TLN2: variants seen among roughly 807,000 people sequenced by gnomAD.
TLN2 encodes the protein talin 2.
In TLN2, 118 loss-of-function variants were observed where a neutral mutation model predicts 294.7. The observed-to-expected ratio is 0.40, with a 90% CI of 0.34 to 0.47. The LOEUF (loss-of-function observed/expected upper bound fraction) is 0.47. Ranked by LOEUF, TLN2 falls within the 20% of genes least tolerant of loss-of-function variation. The pLI, the probability that TLN2 is intolerant of heterozygous loss-of-function variation, is 0.84. For missense variants in TLN2, 3,083 were observed against 3,282.2 expected (o/e 0.94, Z 1.48); for synonymous variants, 1,431 against 1,304.5 (o/e 1.10, Z -2.09).
At chr15:62,547,638 T>G (rs557787009) in intron 1 of TLN2, among the ~76,000 whole-genome samples, 2 of 152,342 alleles carry the variant, frequency 1.3e-5, no homozygotes, top group South Asian at 2.1e-4. Flanking sequence ...CTGTGTTTTT[T>G]CATGTTTTCC....
intron 43 of TLN2, among the ~76,000 whole-genome samples, chr15:62,780,298 TATC>T (rs1433650854): frequency 7.2e-5 from 11 of 152,172 alleles, no homozygotes; most frequent in African/African-American, 2.7e-4. Context: ...TCATTGGCAT[TATC>T]ATCTTTATCA....
intron 1 of TLN2, among the ~76,000 whole-genome samples, chr15:62,461,518 A>G (rs1173607352): frequency 6.6e-6 from 1 of 152,208 alleles, no homozygotes. Context: ...ATGGGTTTAT[A>G]CCTAGACGTA....
intron 1 of TLN2, among the ~76,000 whole-genome samples, chr15:62,521,218 C>G (rs1191632394): frequency 6.6e-6 from 1 of 151,976 alleles, no homozygotes; most frequent in Non-Finnish European, 1.5e-5. Context: ...TCTCTTTCTC[C>G]TTTATGGCTG....
chr15:62,822,463 T>A (rs1197000819), intron 54 of TLN2, among the ~76,000 whole-genome samples: 1 of 152,244 alleles, frequency 6.6e-6, no homozygotes, highest in East Asian at 1.9e-4. Context: ...TTCTGGGTAC[T>A]TTATGGGAGT....
Position 62,797,343 on chromosome 15 carries a change from C to T in TLN2, c.6175C>T (p.Leu2059Phe). ...AQSSAATITQ[L>F]AEVVKLGAAS... is the part of the protein sequence containing the mutation. ...GTCCTCAGCAGCCACCATCACCCAG[C>T]TCGCAGAAGTGGTCAAGCTGGGGGC... is the stretch of plus-strand genomic sequence containing the variant. The change falls in exon 48 of 59, where the codon CTC becomes TTC. Residue 2059 changes from leucine to phenylalanine, a missense_variant. Physicochemically the swap from Leu to Phe is conservative, Grantham distance 22. Transcript: ENST00000636159. The T allele has an allele frequency of 6.2e-7, 1 of 1,613,522 alleles. No individual in the cohort carries two copies. The highest frequency in any genetic ancestry group is 8.5e-7 in the Non-Finnish European group (1 of 1,179,970).
rs1191210613 is a variant in TLN2, at chr15:62,842,663, A to G, written c.*2053A>G. The G allele has an allele frequency of 1.3e-5, 2 of 152,142 alleles. No individual in the cohort carries two copies. The highest frequency in any genetic ancestry group is 1.3e-4 in the Admixed American group (2 of 15,262). The allele number at this position is 152,142 out of a possible 1,614,324, so 9.4% of individuals were successfully genotyped here. ...GCAGCCAGTTCTTCCACCTTGCCTCAGAGTCATTTAAAACCTTTACTGCAT... is the reference window on the plus strand; with the variant it reads ...GCAGCCAGTTCTTCCACCTTGCCTCGGAGTCATTTAAAACCTTTACTGCAT... On this transcript the variant is annotated 3_prime_UTR_variant, in exon 59 of 59. Coordinates refer to ENST00000636159, the MANE Select transcript of TLN2 (RefSeq NM_015059.3).
intron 1 of TLN2, among the ~76,000 whole-genome samples, chr15:62,512,970 C>G (rs148978918): frequency 6.6e-6 from 1 of 152,294 alleles, no homozygotes; most frequent in East Asian, 1.9e-4. Context: ...TGCTTCAAGC[C>G]TGCTTTCCTG....
intron 42 of TLN2, among the ~76,000 whole-genome samples, chr15:62,772,352 C>G (rs761142984): frequency 6.6e-6 from 1 of 152,186 alleles, no homozygotes; most frequent in Non-Finnish European, 1.5e-5. Context: ...AAGCGCCAGC[C>G]ACTGCCCTCA....
At chr15:62,620,082 C>A (rs1036724470) in intron 3 of TLN2, among the ~76,000 whole-genome samples, 2 of 152,132 alleles carry the variant, frequency 1.3e-5, no homozygotes, top group Non-Finnish European at 2.9e-5. Flanking sequence ...CTCAAGCAAT[C>A]CTCCCACCTC....
intron 1 of TLN2, among the ~76,000 whole-genome samples, chr15:62,541,891 A>G (rs2041713279): frequency 6.6e-6 from 1 of 151,388 alleles, no homozygotes; most frequent in African/African-American, 2.4e-5. Flanking sequence ...CAGCCTTTTT[A>G]TGTATTTATT....
intron 40 of TLN2, among the ~76,000 whole-genome samples, chr15:62,765,141 C>A (rs544852027): frequency 1.1e-4 from 17 of 151,758 alleles, no homozygotes; most frequent in Non-Finnish European, 2.4e-4. Context: ...GATCATACAC[C>A]CTATTTAATT....
chr15:62,599,066 G>C (rs879259070), intron 2 of TLN2, among the ~76,000 whole-genome samples: 20 of 152,332 alleles, frequency 1.3e-4, no homozygotes, highest in Middle Eastern at 3.4e-3. Flanking sequence ...TCACCTCTGT[G>C]TCAGGCCAGG....
chr15:62,612,586 T>A (rs1264822848), intron 2 of TLN2, among the ~76,000 whole-genome samples: 1 of 152,218 alleles, frequency 6.6e-6, no homozygotes, highest in Non-Finnish European at 1.5e-5. Flanking sequence ...TTGGATTTTG[T>A]GAAACCATAG....
At chr15:62,654,221 T>C (rs756039820) in intron 7 of TLN2, among the ~76,000 whole-genome samples, 1 of 152,254 alleles carries the variant, frequency 6.6e-6, no homozygotes, top group Non-Finnish European at 1.5e-5. Flanking sequence ...TCATACAGTC[T>C]GGATTTTCTT....
chr15:62,737,171 C>T, intron 29 of TLN2, 85 bp downstream of exon 29: 8 of 1,370,452 alleles, frequency 5.8e-6, no homozygotes, highest in Non-Finnish European at 8.1e-6. Context: ...GCACTTTTCC[C>T]TGATATGAAC....
chr15:62,805,731 T>A lies in TLN2; in HGVS notation c.6609T>A (p.Ile2203=), dbSNP rs2066235724. 6.2e-7 allele frequency: 1 copy of A among 1,614,134 alleles called. No homozygotes were observed. Among genetic ancestry groups the A allele is most frequent in the South Asian group, 1.1e-5 (1 of 91,068 alleles). The part of the protein sequence containing the change: ...AGNSCRQEDV[I]ATANLSRKAV... ...ACTCATGTAGACAGGAGGACGTGAT[T>A]GCTACTGCCAACCTGAGCCGGAAAG... Residue 2203 remains isoleucine (I), a synonymous_variant, in exon 51 of 59, where the codon ATT becomes ATA. Coordinates refer to ENST00000636159, the MANE Select transcript of TLN2 (RefSeq NM_015059.3).
chr15:62,640,150 G>A (rs1191657440), intron 3 of TLN2: 1 of 455,426 alleles, frequency 2.2e-6, no homozygotes, highest in South Asian at 1.5e-5. Context: ...AGTGCATGGT[G>A]GGTTCTTACC....
chr15:62,594,917 T>A (rs1052194843), intron 2 of TLN2, among the ~76,000 whole-genome samples: 2 of 152,306 alleles, frequency 1.3e-5, no homozygotes, highest in South Asian at 4.1e-4. Context: ...AAGGGGTTAC[T>A]ATGCAAAATA....
In TLN2 at chr15:62,437,097, A is replaced by T. The variant is rs142935984; in HGVS notation, c.-238+46412A>T. Among the ~76,000 whole-genome samples the T allele has an allele frequency of 1.7e-4, 26 of 152,346 alleles. No homozygotes were observed. The East Asian group carries it at 5.0e-3, about 29-fold the overall frequency. On this transcript the variant is annotated intron_variant, in intron 1 of 58. Coordinates refer to ENST00000636159, the MANE Select transcript of TLN2 (RefSeq NM_015059.3). ...GTAGAATTCCCAACACATTGGTTCA[A>T]TGGACTTTTTAATCACTTTGGCTTT...
Sources: allele counts gnomAD v4.1 joint callset (sites outside exome capture counted in the v4.1 genomes callset), GRCh38; gene constraint gnomAD v4.1.1; transcripts MANE v1.5; gene names NCBI Gene and HGNC (gene_info 2026-07-23, HGNC 2026-07-21).